The following COL19A1 variants were observed in gnomAD, a reference collection of about 807,000 sequenced individuals.
The protein encoded by COL19A1 is collagen type XIX alpha 1 chain.
A neutral mutation model predicts 190.2 loss-of-function variants in COL19A1; 159 were observed. That is an observed-to-expected ratio of 0.84 (90% CI 0.73 to 0.95). The LOEUF (loss-of-function observed/expected upper bound fraction) is 0.95, where lower values mean the gene tolerates loss of function less well. Ranked by LOEUF, COL19A1 falls within the 40% of genes least tolerant of loss-of-function variation. COL19A1 has a pLI of 0.00. For missense variants in COL19A1, 1,418 were observed against 1,431.9 expected, an observed-to-expected ratio of 0.99 and a Z score of 0.16; for synonymous variants, 509 against 458.9, an observed-to-expected ratio of 1.11 and a Z score of -1.39.
intron 17 of COL19A1, 151 bp downstream of exon 17, chr6:70,122,093 A>G: frequency 1.9e-6 from 1 of 528,076 alleles, no homozygotes; most frequent in Non-Finnish European, 3.3e-6. Context: ...CTATGTTTTC[A>G]AAAACAAAAA....
intron 12 of COL19A1, among the ~76,000 whole-genome samples, chr6:70,028,993 T>C (rs962448811): frequency 2.0e-5 from 3 of 152,226 alleles, no homozygotes; most frequent in African/African-American, 4.8e-5. Flanking sequence ...TGTCTCTTTT[T>C]CTGAATCTAT....
chr6:70,023,547 C>A, intron 11 of COL19A1, 80 bp from the exon 12 acceptor site: 1 of 1,158,462 alleles, frequency 8.6e-7, no homozygotes, highest in South Asian at 1.4e-5. Flanking sequence ...TTATAAATAC[C>A]CAACCAACAT....
chr6:69,921,425 A>ATAT (rs1202396884), intron 4 of COL19A1, among the ~76,000 whole-genome samples: 4 of 97,914 alleles, frequency 4.1e-5, no homozygotes, highest in African/African-American at 2.1e-4. Flanking sequence ...TATCATATAT[A>ATAT]TCATATATAT....
At chr6:69,876,921 G>A (rs1341196127) in intron 1 of COL19A1, among the ~76,000 whole-genome samples, 1 of 152,178 alleles carries the variant, frequency 6.6e-6, no homozygotes. Context: ...TTGATATTTA[G>A]AATGACACAT....
chr6:69,871,873 G>A (rs1038393716), intron 1 of COL19A1, among the ~76,000 whole-genome samples: 4 of 143,406 alleles, frequency 2.8e-5, no homozygotes, highest in African/African-American at 1.1e-4. Flanking sequence ...GGAGTGCAGT[G>A]CTGTGATCTT....
intron 7 of COL19A1, 29 bp downstream of exon 7, chr6:69,932,892 A>G (rs1237162399): frequency 7.1e-7 from 1 of 1,415,338 alleles, no homozygotes; most frequent in South Asian, 1.2e-5. Flanking sequence ...CATATGAAGA[A>G]TGAAGAACGC....
intron 42 of COL19A1, among the ~76,000 whole-genome samples, chr6:70,177,576 T>A (rs1765896131): frequency 6.6e-6 from 1 of 152,364 alleles, no homozygotes; most frequent in East Asian, 1.9e-4. Context: ...TTCGTATGAC[T>A]GTAAAAGTAG....
Position 70,171,827 on chromosome 6 carries a change from G to A in COL19A1, c.2569-137G>A, listed in dbSNP as rs77900722. On this transcript the variant is annotated intron_variant, in intron 40 of 50. Coordinates refer to ENST00000620364, the MANE Select transcript of COL19A1 (RefSeq NM_001858.6). ...GCAATAATACATTACTTAAAAATAG[G>A]GCATATCATTTCCTTGCTAAATTAC... 2.3e-3 allele frequency: 1,573 copies of A among 690,690 alleles called. 22 individuals carry two copies. In the African/African-American group the frequency reaches 0.025, roughly 11 times the overall value. 42.8% of individuals were successfully genotyped at this position (690,690 alleles called of 1,614,324 possible).
chr6:70,040,158 CA>C (rs377013235), intron 14 of COL19A1, among the ~76,000 whole-genome samples: 1 of 151,520 alleles, frequency 6.6e-6, no homozygotes, highest in African/African-American at 2.4e-5. Flanking sequence ...ACCAGTTCAT[CA>C]AAAAAAATCT....
chr6:69,923,700 CTA>C (rs1396243712), intron 4 of COL19A1, among the ~76,000 whole-genome samples: 2 of 152,114 alleles, frequency 1.3e-5, no homozygotes, highest in South Asian at 4.1e-4. Context: ...ACACATATTT[CTA>C]TGTTACAGGG....
intron 2 of COL19A1, among the ~76,000 whole-genome samples, chr6:69,898,243 G>C (rs1453819050): frequency 6.6e-6 from 1 of 152,130 alleles, no homozygotes; most frequent in Admixed American, 6.5e-5. Flanking sequence ...CTGTAATTTT[G>C]TCTGAATTAA....
chr6:70,207,078 T>C, intron 50 of COL19A1, 69 bp from the exon 51 acceptor site: 1 of 1,603,234 alleles, frequency 6.2e-7, no homozygotes, highest in East Asian at 2.2e-5. Flanking sequence ...TGATCCATGT[T>C]GGCTAGAGGG....
intron 7 of COL19A1, among the ~76,000 whole-genome samples, chr6:69,934,261 T>C (rs1475539430): frequency 1.3e-5 from 2 of 152,020 alleles, no homozygotes; most frequent in Non-Finnish European, 2.9e-5. Context: ...TATCTTTCTA[T>C]AAATATCTGA....
chr6:69,896,950 C>A (rs1357508417), intron 2 of COL19A1, among the ~76,000 whole-genome samples: 1 of 152,046 alleles, frequency 6.6e-6, no homozygotes, highest in Non-Finnish European at 1.5e-5. Flanking sequence ...ACTTTTTACT[C>A]TTTTAGTGTT....
At chr6:69,987,459 T>C (rs774008092) in intron 11 of COL19A1, among the ~76,000 whole-genome samples, 3 of 152,134 alleles carry the variant, frequency 2.0e-5, no homozygotes, top group Admixed American at 6.5e-5. Flanking sequence ...CTGAGAAGGA[T>C]CAACTCTGAT....
At chr6:70,177,553 A>T (rs967831459) in intron 42 of COL19A1, among the ~76,000 whole-genome samples, 2 of 152,242 alleles carry the variant, frequency 1.3e-5, no homozygotes, top group African/African-American at 2.4e-5. Context: ...GCCATTATAG[A>T]TCAAGTCAAA....
At chr6:69,904,434 G>C (rs1034550265) in intron 4 of COL19A1, among the ~76,000 whole-genome samples, 1 of 152,194 alleles carries the variant, frequency 6.6e-6, no homozygotes, top group African/African-American at 2.4e-5. Flanking sequence ...CATCTCAGAG[G>C]TGGAGCAAGA....
At position 70,080,771 on chromosome 6, in the gene COL19A1, T is replaced by C. The variant is rs531229715; in HGVS notation, c.1224+12295T>C. 5.3e-5 allele frequency among the ~76,000 whole-genome samples: 8 copies of C among 152,320 alleles called. No individual in the cohort carries two copies. In the East Asian group the frequency reaches 1.3e-3, roughly 26 times the overall value. ...TGAAGCATGCTAATTATGTATCGTT[T>C]CCAAGCGAGGAAATGCCAAGGGACT... On this transcript the variant is annotated intron_variant, in intron 15 of 50. Transcript: ENST00000620364.
intron 18 of COL19A1, among the ~76,000 whole-genome samples, chr6:70,130,726 A>C: frequency 6.6e-6 from 1 of 152,286 alleles, no homozygotes; most frequent in African/African-American, 2.4e-5. Context: ...AGGACTGCTG[A>C]GTAGCAGTTG....
Sources: gnomAD v4.1 joint callset for allele counts (sites outside exome capture counted in the v4.1 genomes callset) on GRCh38, gnomAD v4.1.1 for gene constraint, MANE v1.5 for transcripts, NCBI Gene and HGNC (gene_info 2026-07-23, HGNC 2026-07-21) for gene names.